GRID1: variants seen among roughly 807,000 people sequenced by gnomAD.
The protein encoded by GRID1 is glutamate ionotropic receptor delta type subunit 1, also known as glutamate receptor ionotropic, delta-1.
A neutral mutation model predicts 98.0 loss-of-function variants in GRID1; 28 were observed. The ratio of observed to expected loss-of-function variants is 0.29; its 90% confidence interval spans 0.21 to 0.39. GRID1 has a LOEUF of 0.39. Among genes scored for constraint, GRID1 ranks in the 10% least tolerant of loss-of-function variants. The probability of loss-of-function intolerance (pLI) is 1.00; values close to 1 mark genes in which losing one functional copy is unlikely to be tolerated. For synonymous variants in GRID1, 553 were observed against 538.5 expected, an observed-to-expected ratio of 1.03 and a Z score of -0.37; for missense variants, 1,111 against 1,340.5, an observed-to-expected ratio of 0.83 and a Z score of 2.67.
At chr10:85,747,234 T>C (rs1176491636) in intron 8 of GRID1, among the ~76,000 whole-genome samples, 4 of 152,024 alleles carry the variant, frequency 2.6e-5, no homozygotes, top group Non-Finnish European at 5.9e-5. Context: ...ATGCTTCCTA[T>C]GCACATAGCA....
At chr10:85,772,878 G>A (rs1404017864) in intron 8 of GRID1, among the ~76,000 whole-genome samples, 15 of 152,178 alleles carry the variant, frequency 9.9e-5, no homozygotes, top group Middle Eastern at 3.4e-3. Flanking sequence ...ATTCACAGCC[G>A]AATTCTACCA....
intron 3 of GRID1, among the ~76,000 whole-genome samples, chr10:86,189,121 C>A (rs1845765360): frequency 6.6e-6 from 1 of 152,330 alleles, no homozygotes; most frequent in South Asian, 2.1e-4. Flanking sequence ...AAGCTCTACT[C>A]CCCTTCTCTA....
intron 8 of GRID1, among the ~76,000 whole-genome samples, chr10:85,805,877 T>C (rs560726754): frequency 3.0e-4 from 46 of 151,720 alleles, no homozygotes; most frequent in Non-Finnish European, 5.9e-4. Flanking sequence ...TATAAAATTT[T>C]AGACAAAAAC....
intron 2 of GRID1, among the ~76,000 whole-genome samples, chr10:86,251,511 T>C (rs1014014824): frequency 6.6e-6 from 1 of 152,194 alleles, no homozygotes; most frequent in African/African-American, 2.4e-5. Context: ...CTTGCAGGGC[T>C]ACTACCTCAG....
chr10:86,348,336 G>GGCGGCC (rs1288424936), intron 2 of GRID1, among the ~76,000 whole-genome samples: 3 of 152,234 alleles, frequency 2.0e-5, no homozygotes, highest in Admixed American at 6.5e-5. Flanking sequence ...ACAGCAATGA[G>GGCGGCC]GCGGCCCCGG....
chr10:86,213,824 G>A (rs945434918), intron 2 of GRID1, among the ~76,000 whole-genome samples: 3 of 151,896 alleles, frequency 2.0e-5, no homozygotes, highest in African/African-American at 7.3e-5. Flanking sequence ...GAACTGCCTA[G>A]GGTGTGAGTC....
intron 12 of GRID1, 58 bp downstream of exon 12, chr10:85,722,945 C>T: frequency 6.6e-7 from 1 of 1,505,020 alleles, no homozygotes; most frequent in Non-Finnish European, 9.0e-7. Context: ...GAAAGGTTTA[C>T]ATCCTCTTTA....
At chr10:86,272,834 C>T (rs1406237056) in intron 2 of GRID1, among the ~76,000 whole-genome samples, 2 of 152,086 alleles carry the variant, frequency 1.3e-5, no homozygotes, top group Non-Finnish European at 2.9e-5. Flanking sequence ...AAGATGCATG[C>T]TAAGAAAAGA....
intron 4 of GRID1, among the ~76,000 whole-genome samples, chr10:86,007,913 T>C (rs1056180575): frequency 1.3e-5 from 2 of 152,106 alleles, no homozygotes; most frequent in Admixed American, 6.5e-5. Flanking sequence ...CTCCAGGACA[T>C]GTCCCTTTAC....
intron 3 of GRID1, among the ~76,000 whole-genome samples, chr10:86,186,888 T>C (rs1307288779): frequency 1.3e-5 from 2 of 152,192 alleles, no homozygotes; most frequent in African/African-American, 4.8e-5. Flanking sequence ...GATCTATTCA[T>C]TTAGAGAGAA....
At chr10:85,697,386 A>C (rs982809113) in intron 12 of GRID1, among the ~76,000 whole-genome samples, 1 of 151,938 alleles carries the variant, frequency 6.6e-6, no homozygotes, top group Admixed American at 6.6e-5. Context: ...CCTCTGTAAT[A>C]CTCTATGGCA....
At chr10:86,083,088 A>G (rs948970243) in intron 4 of GRID1, among the ~76,000 whole-genome samples, 41 of 152,348 alleles carry the variant, frequency 2.7e-4, no homozygotes, top group African/African-American at 9.6e-4. Flanking sequence ...AAAGTCTGTG[A>G]AATGACTGAG....
intron 8 of GRID1, among the ~76,000 whole-genome samples, chr10:85,743,111 C>G (rs1264053226): frequency 7.7e-6 from 1 of 130,158 alleles, no homozygotes; most frequent in African/African-American, 2.7e-5. Context: ...TGCAGCCCCC[C>G]CCCCCACCAC....
At chr10:85,972,532 T>G (rs1842422314) in intron 4 of GRID1, among the ~76,000 whole-genome samples, 1 of 150,928 alleles carries the variant, frequency 6.6e-6, no homozygotes, top group Non-Finnish European at 1.5e-5. Context: ...ATAGGTATAA[T>G]TCTGCTATTT....
At chr10:86,135,850 T>A (rs1020209333) in intron 4 of GRID1, among the ~76,000 whole-genome samples, 1 of 152,228 alleles carries the variant, frequency 6.6e-6, no homozygotes, top group Non-Finnish European at 1.5e-5. Context: ...AGCAGCTCCG[T>A]CTTCCTCACT....
intron 5 of GRID1, among the ~76,000 whole-genome samples, chr10:85,904,709 T>C (rs1312145058): frequency 5.3e-5 from 8 of 150,036 alleles, no homozygotes; most frequent in African/African-American, 2.0e-4. Context: ...CTACAATGTA[T>C]GAAATTAAAA....
intron 4 of GRID1, among the ~76,000 whole-genome samples, chr10:86,072,246 C>T (rs1259950920): frequency 5.9e-5 from 9 of 151,868 alleles, no homozygotes; most frequent in Non-Finnish European, 1.5e-5. Context: ...CAACTTTCCT[C>T]CAAAAAAAAA....
At chr10:85,955,076 G>T (rs1176796060) in intron 4 of GRID1, among the ~76,000 whole-genome samples, 3 of 152,156 alleles carry the variant, frequency 2.0e-5, no homozygotes, top group Admixed American at 6.5e-5. Context: ...GGTAGAGCAG[G>T]TGCAGCATGG....
chr10:86,045,636 AGAGAGAGT>A (rs1843412170), intron 4 of GRID1, among the ~76,000 whole-genome samples: 1 of 151,806 alleles, frequency 6.6e-6, no homozygotes, highest in African/African-American at 2.4e-5. Context: ...GAGAGTGGGG[AGAGAGAGT>A]GAGAGAGTGA....
Sources: allele counts gnomAD v4.1 joint callset (sites outside exome capture counted in the v4.1 genomes callset), GRCh38; gene constraint gnomAD v4.1.1; transcripts MANE v1.5; gene names NCBI Gene and HGNC (gene_info 2026-07-23, HGNC 2026-07-21).